Variants in RBFOX1 observed in about 807,000 individuals in gnomAD.
RBFOX1 encodes RNA binding protein fox-1 homolog 1.
In RBFOX1, 8 loss-of-function variants were observed where a neutral mutation model predicts 57.7. The ratio of observed to expected loss-of-function variants is 0.14; its 90% CI spans 0.08 to 0.25. The LOEUF is 0.25. RBFOX1 is among the 10% of genes least tolerant of loss of function. The pLI is 1.00. For missense variants in RBFOX1, 611 were observed against 548.5 expected (o/e 1.11, Z -1.14); for synonymous variants, 326 against 222.4 (o/e 1.47, Z -4.15).
At chr16:5,616,465 G>C (rs2048027410) in intron 3 of RBFOX1, among the ~76,000 whole-genome samples, 1 of 152,126 alleles carries the variant, frequency 6.6e-6, no homozygotes, top group Admixed American at 6.5e-5. Context: ...TTGTGTCACA[G>C]TGCCCTTGAT....
At chr16:5,748,495 T>C (rs1004459474) in intron 3 of RBFOX1, among the ~76,000 whole-genome samples, 6 of 152,162 alleles carry the variant, frequency 3.9e-5, no homozygotes, top group African/African-American at 7.2e-5. Context: ...CCCATTATTA[T>C]TGTGTGGGAG....
chr16:7,515,429 G>A lies in RBFOX1; in HGVS notation c.28-2718G>A, dbSNP rs557653790. On this transcript the variant is annotated intron_variant, in intron 4 of 15. Transcript: ENST00000550418. ...GTTAAAAATACTGTATTATATACTG[G>A]AAGTGTGCTAAGAGGATAGATCTTA... Among the ~76,000 whole-genome samples the A allele has an allele frequency of 6.2e-4, 94 of 151,790 alleles. 2 individuals are homozygous for A. In the South Asian group the frequency reaches 0.019, roughly 30 times the overall value.
At chr16:6,822,826 A>G (rs1018329914) in intron 3 of RBFOX1, among the ~76,000 whole-genome samples, 3 of 152,204 alleles carry the variant, frequency 2.0e-5, no homozygotes, top group African/African-American at 7.2e-5. Context: ...TTTGAGAGCA[A>G]TAGCTGAATC....
chr16:5,346,428 T>C (rs1051319073), intron 1 of RBFOX1, among the ~76,000 whole-genome samples: 3 of 152,198 alleles, frequency 2.0e-5, no homozygotes, highest in Non-Finnish European at 4.4e-5. Flanking sequence ...GAAGTTATGA[T>C]GTTTGAACCA....
intron 3 of RBFOX1, among the ~76,000 whole-genome samples, chr16:7,037,668 C>G (rs894394518): frequency 5.3e-5 from 8 of 152,194 alleles, no homozygotes; most frequent in Admixed American, 3.9e-4. Context: ...CAAATATTAA[C>G]TCATTCAAAT....
intron 11 of RBFOX1, among the ~76,000 whole-genome samples, chr16:7,644,064 C>G (rs1455058218): frequency 6.6e-6 from 1 of 152,154 alleles, no homozygotes; most frequent in East Asian, 1.9e-4. Flanking sequence ...AACTGAGAGT[C>G]TCTAAGAAGC....
At chr16:6,943,643 G>C (rs1487040468) in intron 3 of RBFOX1, among the ~76,000 whole-genome samples, 2 of 151,558 alleles carry the variant, frequency 1.3e-5, no homozygotes, top group East Asian at 1.9e-4. Context: ...GGGAGGCGGA[G>C]CTTGCAGTGA....
intron 4 of RBFOX1, among the ~76,000 whole-genome samples, chr16:7,461,556 T>A (rs1388804878): frequency 1.3e-5 from 2 of 152,174 alleles, no homozygotes; most frequent in Non-Finnish European, 2.9e-5. Flanking sequence ...TCAGATACCC[T>A]CCAAGAACTT....
intron 3 of RBFOX1, among the ~76,000 whole-genome samples, chr16:6,931,407 G>C (rs1328956356): frequency 2.0e-5 from 3 of 151,686 alleles, no homozygotes; most frequent in East Asian, 1.9e-4. Flanking sequence ...GTTTATGTGT[G>C]CATGAACCAC....
chr16:5,601,585 T>C (rs2047365764), downstream of RBFOX1: 1 of 152,288 alleles, frequency 6.6e-6, no homozygotes, highest in African/African-American at 2.4e-5. Context: ...ATCTTGGAGT[T>C]TGGCTACCAC....
intron 3 of RBFOX1, among the ~76,000 whole-genome samples, chr16:5,805,181 C>A (rs1050480510): frequency 6.6e-6 from 1 of 151,980 alleles, no homozygotes; most frequent in African/African-American, 2.4e-5. Context: ...TGCAGTGATT[C>A]ATGTGAACAG....
intron 1 of RBFOX1, among the ~76,000 whole-genome samples, chr16:6,082,347 A>ATTTTTTTTTTTTTTTTTT (rs71142677): frequency 4.6e-4 from 19 of 41,044 alleles, no homozygotes; most frequent in Non-Finnish European, 7.7e-4. Flanking sequence ...CACCTGGCTA[A>ATTTTTTTTTTTTTTTTTT]TTTTTTTTTT....
intron 3 of RBFOX1, among the ~76,000 whole-genome samples, chr16:5,772,338 C>T (rs1179595120): frequency 6.7e-6 from 1 of 149,840 alleles, no homozygotes; most frequent in Non-Finnish European, 1.5e-5. Flanking sequence ...CTCCTAACAT[C>T]TTCCCATGTG....
chr16:5,698,403 T>G (rs191065519), intron 3 of RBFOX1, among the ~76,000 whole-genome samples: 12 of 152,308 alleles, frequency 7.9e-5, no homozygotes, highest in African/African-American at 2.9e-4. Flanking sequence ...TACTTCTATT[T>G]TATGGTTATT....
chr16:7,341,560 G>A (rs118098239), intron 4 of RBFOX1, among the ~76,000 whole-genome samples: 3,118 of 152,272 alleles, frequency 0.02, 50 homozygotes, highest in Non-Finnish European at 0.033. Context: ...GACCGACTCA[G>A]TATGACGTCT....
At chr16:6,844,099 G>C (rs909184069) in intron 3 of RBFOX1, among the ~76,000 whole-genome samples, 1 of 147,136 alleles carries the variant, frequency 6.8e-6, no homozygotes, top group Non-Finnish European at 1.5e-5. Context: ...CTGTCTCTAA[G>C]CCACCATCAC....
chr16:5,486,800 T>TC (rs1828684702), intron 2 of RBFOX1, among the ~76,000 whole-genome samples: 1 of 152,048 alleles, frequency 6.6e-6, no homozygotes, highest in Admixed American at 6.5e-5. Context: ...TTTTTTTTTT[T>TC]CTTTTAACTT....
intron 2 of RBFOX1, among the ~76,000 whole-genome samples, chr16:6,492,151 C>T (rs1013348240): frequency 2.6e-5 from 4 of 151,624 alleles, no homozygotes; most frequent in African/African-American, 7.3e-5. Flanking sequence ...TGAAAGTTTC[C>T]CTTGTATATG....
chr16:6,184,176 T>C (rs73532047), intron 1 of RBFOX1, among the ~76,000 whole-genome samples: 4,711 of 152,266 alleles, frequency 0.031, 98 homozygotes, highest in Middle Eastern at 0.071. Context: ...CATGATTCAG[T>C]TACCTCCCAT....
Sources: gnomAD v4.1 joint callset for allele counts (sites outside exome capture counted in the v4.1 genomes callset) on GRCh38, gnomAD v4.1.1 for gene constraint, MANE v1.5 for transcripts, NCBI Gene and HGNC (gene_info 2026-07-23, HGNC 2026-07-21) for gene names.